The following MSANTD3 variants were observed in gnomAD, a reference collection of about 807,000 sequenced individuals.
MSANTD3 encodes Myb/SANT DNA binding domain containing 3, also known as myb/SANT-like DNA-binding domain-containing protein 3.
Under a neutral mutation model 27.7 loss-of-function variants are expected in MSANTD3, and 11 were observed. That is an observed-to-expected ratio of 0.40 (90% confidence interval 0.25 to 0.66). The LOEUF (loss-of-function observed/expected upper bound fraction) is 0.66, where lower values mean the gene tolerates loss of function less well. Ranked by LOEUF, MSANTD3 falls within the 30% of genes least tolerant of loss-of-function variation. The pLI, the probability that MSANTD3 is intolerant of heterozygous loss-of-function variation, is 0.41. For synonymous variants in MSANTD3, 131 were observed against 127.2 expected (o/e 1.03, Z -0.20); for missense variants, 250 against 336.5 (o/e 0.74, Z 2.01).
At chr9:100,448,190 CAAAAAAAAAAAAA>C (rs751142923) in intron 2 of MSANTD3, 1 of 666,864 alleles carries the variant, frequency 1.5e-6, no homozygotes, top group South Asian at 7.8e-5. Flanking sequence ...GACCCCATCT[CAAAAAAAAAAAAA>C]AAAAAAAAAA....
chr9:100,439,983 G>T (rs1347349869), intron 1 of MSANTD3, among the ~76,000 whole-genome samples: 4 of 152,146 alleles, frequency 2.6e-5, no homozygotes, highest in Non-Finnish European at 4.4e-5. Context: ...TTACTTTATT[G>T]CCGCAGTCAG....
chr9:100,438,761 G>A (rs1361940519), intron 1 of MSANTD3, among the ~76,000 whole-genome samples: 1 of 152,206 alleles, frequency 6.6e-6, no homozygotes, highest in Non-Finnish European at 1.5e-5. Flanking sequence ...TGTACAGGGT[G>A]TATGTTAATA....
rs563876356 is a variant in MSANTD3 at position 100,440,878 on chromosome 9, G to T, written c.-33-1028G>T. On this transcript the variant is annotated intron_variant, in intron 1 of 2. Coordinates refer to ENST00000395067, the MANE Select transcript of MSANTD3 (RefSeq NM_080655.3). Reference sequence around the variant, plus strand: ...GGGCTCAAGCAATTTACCTACCTCAGCCTCCCAAAGTGCTGGGATTACAGG... The same window carrying T: ...GGGCTCAAGCAATTTACCTACCTCATCCTCCCAAAGTGCTGGGATTACAGG... 2.5e-3 allele frequency among the ~76,000 whole-genome samples: 324 copies of T among 127,120 alleles called. 2 individuals carry two copies. The highest frequency in any genetic ancestry group is 9.1e-3 in the African/African-American group (304 of 33,514). The allele number at this position is 127,120 out of a possible 152,430, so 83.4% of individuals were successfully genotyped here.
chr9:100,429,652 T>G (rs1836322901), intron 1 of MSANTD3: 1 of 152,338 alleles, frequency 6.6e-6, no homozygotes, highest in African/African-American at 2.4e-5. Flanking sequence ...GGCCAATCTA[T>G]ATCTAACAAG....
rs1220481283 is a variant in MSANTD3 at position 100,427,326 on chromosome 9, A to T, written c.-101A>T. Reference sequence around the variant, plus strand: ...GCCGCCCTGCTTGCGAGAGGAGCCCAGGCCGCCCGCCCTCGCGCCTCGCCG... The same window carrying T: ...GCCGCCCTGCTTGCGAGAGGAGCCCTGGCCGCCCGCCCTCGCGCCTCGCCG... On this transcript the variant is annotated 5_prime_UTR_variant, in exon 1 of 3. Transcript: ENST00000395067. The T allele has an allele frequency of 6.9e-6, 1 of 145,868 alleles. No individual in the cohort carries two copies. The highest frequency in any genetic ancestry group is 6.8e-5 in the Admixed American group (1 of 14,750). 9.0% of individuals were successfully genotyped at this position (145,868 alleles called of 1,614,324 possible).
rs914953663 is a variant in MSANTD3 at position 100,427,209 on chromosome 9, G to A, written c.-218G>A. ...GAGGGGGCGGCGGCGTCCGGGCTTT[G>A]TGGCCGCGGCGCGCGCGGCGGGGCC... is the stretch of plus-strand genomic sequence containing the variant. On this transcript the variant is annotated 5_prime_UTR_variant, in exon 1 of 3. It adds an upstream start codon to the 5' untranslated region. Coordinates refer to ENST00000395067, the MANE Select transcript of MSANTD3 (RefSeq NM_080655.3). The A allele has an allele frequency of 1.4e-5, 2 of 145,880 alleles. No individual in the cohort carries two copies. The highest frequency in any genetic ancestry group is 4.9e-5 in the African/African-American group (2 of 40,752). The allele number at this position is 145,880 out of a possible 1,614,324, so 9.0% of individuals were successfully genotyped here.
chr9:100,430,276 G>A (rs930108276), intron 1 of MSANTD3, among the ~76,000 whole-genome samples: 4 of 151,332 alleles, frequency 2.6e-5, no homozygotes, highest in Admixed American at 1.3e-4. Flanking sequence ...GGCCGGGCGC[G>A]GTGGCTCACG....
At chr9:100,449,356 A>T (rs868055772) in intron 2 of MSANTD3, among the ~76,000 whole-genome samples, 21 of 152,234 alleles carry the variant, frequency 1.4e-4, no homozygotes, top group South Asian at 4.1e-4. Flanking sequence ...TCCATTGTGT[A>T]CCAAACAAAG....
rs77376371 is a variant in MSANTD3 at position 100,438,759 on chromosome 9, G to T, written c.-33-3147G>T. On this transcript the variant is annotated intron_variant, in intron 1 of 2. Transcript: ENST00000395067. Reference sequence around the variant, plus strand: ...ATACAGAAGAGAGATATTGTACAGGGTGTATGTTAATAAATTTCAGTTTGG... The same window carrying T: ...ATACAGAAGAGAGATATTGTACAGGTTGTATGTTAATAAATTTCAGTTTGG... Among the ~76,000 whole-genome samples the T allele has an allele frequency of 7.9e-3, 1,210 of 152,312 alleles. 15 individuals carry two copies. The highest frequency in any genetic ancestry group is 0.027 in the African/African-American group (1,140 of 41,558).
intron 1 of MSANTD3, among the ~76,000 whole-genome samples, chr9:100,430,210 A>C (rs893007408): frequency 6.6e-6 from 1 of 151,894 alleles, no homozygotes; most frequent in South Asian, 2.1e-4. Context: ...CTGGGTATTA[A>C]TTGAGGAAGG....
intron 2 of MSANTD3, 105 bp downstream of exon 2, chr9:100,442,461 G>A (rs1836651157): frequency 5.4e-6 from 8 of 1,468,604 alleles, no homozygotes; most frequent in Admixed American, 2.4e-5. Flanking sequence ...TGAAACTTTT[G>A]TATCAAATCC....
At chr9:100,445,741 A>G (rs959695666) in intron 2 of MSANTD3, among the ~76,000 whole-genome samples, 1 of 152,164 alleles carries the variant, frequency 6.6e-6, no homozygotes, top group Non-Finnish European at 1.5e-5. Flanking sequence ...GTATTCCACT[A>G]GAGGCCTCCC....
At chr9:100,436,358 A>C (rs924141198) in intron 1 of MSANTD3, among the ~76,000 whole-genome samples, 3 of 152,210 alleles carry the variant, frequency 2.0e-5, no homozygotes, top group Admixed American at 2.0e-4. Context: ...TGCTGTGTGC[A>C]TGGTGGGCTG....
Position 100,451,024 on chromosome 9 carries a change from T to C in MSANTD3, c.*58T>C. ...GTGTTGGCAAAGAATGTCTGGAACA[T>C]GGACTTGGCGGTCAGTAACCTGTAA... On this transcript the variant is annotated 3_prime_UTR_variant, in exon 3 of 3. Coordinates refer to ENST00000395067, the MANE Select transcript of MSANTD3 (RefSeq NM_080655.3). 1 of 1,504,880 alleles carries C rather than the reference T, an allele frequency of 6.6e-7. No homozygotes were observed. The highest frequency in any genetic ancestry group is 8.9e-7 in the Non-Finnish European group (1 of 1,124,660). 93.2% of individuals were successfully genotyped at this position (1,504,880 alleles called of 1,614,324 possible).
chr9:100,438,322 A>G (rs1469724353), intron 1 of MSANTD3, among the ~76,000 whole-genome samples: 1 of 152,226 alleles, frequency 6.6e-6, no homozygotes, highest in Non-Finnish European at 1.5e-5. Context: ...TTACAAGGAC[A>G]AGTTGGGGAT....
intron 1 of MSANTD3, 63 bp from the exon 2 acceptor site, chr9:100,441,843 A>G: frequency 6.7e-7 from 1 of 1,482,432 alleles, no homozygotes; most frequent in Non-Finnish European, 9.0e-7. Flanking sequence ...ATTAAGCTTC[A>G]GTGATTTATA....
At chr9:100,431,140 T>A (rs1379996429) in intron 1 of MSANTD3, among the ~76,000 whole-genome samples, 1 of 151,896 alleles carries the variant, frequency 6.6e-6, no homozygotes, top group Non-Finnish European at 1.5e-5. Flanking sequence ...ATAGCTGGGA[T>A]TACAGGCATG....
chr9:100,445,201 T>C (rs760290972), intron 2 of MSANTD3: 77 of 1,609,888 alleles, frequency 4.8e-5, no homozygotes, highest in Non-Finnish European at 6.0e-5. Context: ...AAGCCTGGAA[T>C]TGTCAATCAT....
At chr9:100,448,293 C>G (rs1836806059) in intron 2 of MSANTD3, 1 of 984,290 alleles carries the variant, frequency 1.0e-6, no homozygotes, top group African/African-American at 1.8e-5. Flanking sequence ...GAGGAGTATC[C>G]AGAACTATCC....
Sources: allele counts gnomAD v4.1 joint callset (sites outside exome capture counted in the v4.1 genomes callset), GRCh38; gene constraint gnomAD v4.1.1; transcripts MANE v1.5; gene names NCBI Gene and HGNC (gene_info 2026-07-23, HGNC 2026-07-21).